The following HNF1A variants were observed in gnomAD, a reference collection of about 807,000 sequenced individuals.
HNF1A encodes the protein HNF1 homeobox A, also known as hepatocyte nuclear factor 1-alpha.
In HNF1A, 21 loss-of-function variants were observed where a neutral mutation model predicts 62.2. The ratio of observed to expected loss-of-function variants is 0.34; its 90% CI spans 0.24 to 0.49. The LOEUF (loss-of-function observed/expected upper bound fraction) is 0.49. HNF1A is among the 20% of genes least tolerant of loss of function. HNF1A has a pLI of 0.99. For synonymous variants in HNF1A, 374 were observed against 366.8 expected, an observed-to-expected ratio of 1.02 and a Z score of -0.22; for missense variants, 687 against 832.3, an observed-to-expected ratio of 0.83 and a Z score of 2.15.
rs751537080 is a variant in HNF1A, at chr12:120,978,609, TGGGGGTG to T, written c.-159_-153del. ...GGCCGCTGGGGCCAGGGTTGGGGGT[TGGGGGTG>T]CCCACAGGGCTTGGCTAGTGGGGTT... is the stretch of plus-strand genomic sequence containing the variant. On this transcript the variant is annotated 5_prime_UTR_variant, in exon 1 of 10. Coordinates refer to ENST00000257555, the MANE Select transcript of HNF1A (RefSeq NM_000545.8). 1.0e-5 allele frequency: 7 copies of T among 693,202 alleles called. No homozygotes were observed. Among genetic ancestry groups the T allele is most frequent in the African/African-American group, 1.8e-5 (1 of 54,398 alleles). 42.9% of individuals were successfully genotyped at this position (693,202 alleles called of 1,614,324 possible).
At chr12:120,981,346 A>G (rs1050180780) in intron 1 of HNF1A, among the ~76,000 whole-genome samples, 2 of 152,086 alleles carry the variant, frequency 1.3e-5, no homozygotes, top group Non-Finnish European at 2.9e-5. Context: ...CACAGCAGGA[A>G]CCTGAGCTCT....
intron 1 of HNF1A, 144 bp downstream of exon 1, chr12:120,979,238 G>T: frequency 1.3e-6 from 1 of 767,582 alleles, no homozygotes; most frequent in Non-Finnish European, 2.2e-6. Flanking sequence ...GCCCATGAGA[G>T]CCCAGGGGTC....
intron 1 of HNF1A, among the ~76,000 whole-genome samples, chr12:120,981,265 G>C (rs1339597343): frequency 6.6e-6 from 1 of 152,192 alleles, no homozygotes; most frequent in Non-Finnish European, 1.5e-5. Flanking sequence ...CCCGGGAGAA[G>C]TCAGTGTCTG....
chr12:120,984,696 GC>G (rs1267432610), intron 1 of HNF1A, among the ~76,000 whole-genome samples: 4 of 151,832 alleles, frequency 2.6e-5, no homozygotes, highest in African/African-American at 9.7e-5. Flanking sequence ...GATCCTAGGA[GC>G]CCCGGAAAGA....
chr12:121,001,137 A>T lies in HNF1A; in HGVS notation c.1841A>T (p.Asn614Ile), dbSNP rs779019818. The T allele has an allele frequency of 3.1e-6, 5 of 1,614,092 alleles. No homozygotes were observed. Among genetic ancestry groups the T allele is most frequent in the Non-Finnish European group, 4.2e-6 (5 of 1,180,002 alleles). Residue 614 changes from asparagine (N) to isoleucine (I), a missense_variant, in exon 10 of 10, where the codon AAC becomes ATC. Asn to Ile is a moderately radical substitution (Grantham distance 149, BLOSUM62 -3). Coordinates refer to ENST00000257555, the MANE Select transcript of HNF1A (RefSeq NM_000545.8). The stretch of plus-strand genomic sequence containing the variant: ...GGCCAGAGCCACCTGCTGCCATCCA[A>T]CCACAGCGTCATCGAGACCTTCATC... ...SNGQSHLLPS[N>I]HSVIETFIST...
At chr12:120,984,738 C>T (rs962873799) in intron 1 of HNF1A, among the ~76,000 whole-genome samples, 20 of 151,806 alleles carry the variant, frequency 1.3e-4, no homozygotes, top group South Asian at 2.1e-4. Context: ...GAGAGGCCTG[C>T]GGGGGTGGGG....
chr12:120,987,761 TTGATCTATCTATC>T (rs1277164368), intron 1 of HNF1A, among the ~76,000 whole-genome samples: 3 of 121,264 alleles, frequency 2.5e-5, no homozygotes, highest in African/African-American at 9.8e-5. Context: ...AGTCACAAAG[TTGATCTATCTATC>T]TATCTATCTA....
Position 120,994,313 on chromosome 12 carries a change from G to GCC in HNF1A, c.863_864insCC (p.Pro289ArgfsTer54). Reference sequence around the variant, plus strand: ...AAGCTGGCCATGGACACGTACAGCGGGCCCCCCCCAGGGCCAGGCCCGGGA... The same window carrying GCC: ...AAGCTGGCCATGGACACGTACAGCGGCCGCCCCCCCCAGGGCCAGGCCCGGGA... On this transcript the variant is annotated frameshift_variant, in exon 4 of 10. Coordinates refer to ENST00000257555, the MANE Select transcript of HNF1A (RefSeq NM_000545.8). LOFTEE classifies it high-confidence loss of function. The GCC allele has an allele frequency of 1.3e-6, 2 of 1,599,426 alleles. No individual in the cohort carries two copies.
rs1420924570 is a variant in HNF1A, at chr12:121,002,358, T to G, written c.*1166T>G. ...AAGCATGGTCCCACATCCCTGGGCCTGCTGCTGAGAACCTGGCCTTCAGTG... is the reference window on the plus strand; with the variant it reads ...AAGCATGGTCCCACATCCCTGGGCCGGCTGCTGAGAACCTGGCCTTCAGTG... On this transcript the variant is annotated 3_prime_UTR_variant, in exon 10 of 10. Coordinates refer to ENST00000257555, the MANE Select transcript of HNF1A (RefSeq NM_000545.8). The G allele has an allele frequency of 8.2e-6, 4 of 489,770 alleles. No homozygotes were observed. Among genetic ancestry groups the G allele is most frequent in the African/African-American group, 7.7e-5 (4 of 52,054 alleles). The allele number at this position is 489,770 out of a possible 1,614,324, so 30.3% of individuals were successfully genotyped here.
At position 120,999,403 on chromosome 12, in the gene HNF1A, C is replaced by T; in HGVS notation, c.1623+14C>T. 6.2e-7 allele frequency: 1 copy of T among 1,613,874 alleles called. No homozygotes were observed. Among genetic ancestry groups the T allele is most frequent in the Non-Finnish European group, 8.5e-7 (1 of 1,179,946 alleles). ...CCCACCAAGCAGGTAAGGTCCAGGC[C>T]TGCTGGCCCTCCCTTGGCCTGTGAC... On this transcript the variant is annotated intron_variant, in intron 8 of 9. Transcript: ENST00000257555.
chr12:120,983,760 G>A (rs1228540638), intron 1 of HNF1A, among the ~76,000 whole-genome samples: 2 of 152,058 alleles, frequency 1.3e-5, no homozygotes, highest in Non-Finnish European at 2.9e-5. Context: ...TGGCCAGGGT[G>A]GTCTCTAACT....
At position 120,996,498 on chromosome 12, in the gene HNF1A, G is replaced by A. The variant is rs554471425; in HGVS notation, c.1108-43G>A. 1.2e-6 allele frequency: 2 copies of A among 1,613,078 alleles called. No homozygotes were observed. The highest frequency in any genetic ancestry group is 8.5e-7 in the Non-Finnish European group (1 of 1,179,736). On this transcript the variant is annotated intron_variant, in intron 5 of 9. Coordinates refer to ENST00000257555, the MANE Select transcript of HNF1A (RefSeq NM_000545.8). This position sits in a 1 kb window ranked among gnomAD's most constrained non-coding sequence, Gnocchi z 4.5. ...GGAGCAGTCCCTAGGGAGGCCCTGT[G>A]GGGACCCCGGCCCCCCGGACACAGC...
At chr12:120,998,051 G>A (rs1216346871) in intron 7 of HNF1A, 13 of 474,808 alleles carry the variant, frequency 2.7e-5, no homozygotes, top group East Asian at 2.5e-4. Flanking sequence ...AGGCCGAGGT[G>A]GGCAGATCAC....
Position 120,993,630 on chromosome 12 carries a change from A to T in HNF1A, c.637A>T (p.Ile213Phe). Residue 213 changes from isoleucine (I) to phenylalanine (F), a missense_variant, in exon 3 of 10, where the codon ATC (isoleucine) becomes TTC (phenylalanine). This residue lies in a region of HNF1A where 47 missense variants were observed against 109.4 expected (regional missense o/e 0.43). Coordinates refer to ENST00000257555, the MANE Select transcript of HNF1A (RefSeq NM_000545.8). The part of the protein sequence containing the change: ...RFKWGPASQQ[I>F]LFQAYERQKN... ...CAAGTGGGGCCCAGCATCCCAGCAG[A>T]TCCTGTTCCAGGCCTATGAGAGGCA... is the stretch of plus-strand genomic sequence containing the variant. 1 of 1,614,154 alleles carries T rather than the reference A, an allele frequency of 6.2e-7. No individual in the cohort carries two copies. The highest frequency in any genetic ancestry group is 8.5e-7 in the Non-Finnish European group (1 of 1,180,028).
rs2135848320 is a variant in HNF1A at position 120,997,673 on chromosome 12, C to T, written c.1501+8C>T. ...AGCTGCAGAGCCCCCACGGTGAGCG[C>T]CCTGTGCCCCACACAGCAGGAGATG... is the stretch of plus-strand genomic sequence containing the variant. On this transcript the variant is annotated splice_region_variant and intron_variant, in intron 7 of 9. Transcript: ENST00000257555. 6.2e-7 allele frequency: 1 copy of T among 1,604,782 alleles called. No individual in the cohort carries two copies. Among genetic ancestry groups the T allele is most frequent in the Non-Finnish European group, 8.5e-7 (1 of 1,175,916 alleles).
chr12:121,001,317 G>C lies in HNF1A; in HGVS notation c.*125G>C. Reference sequence around the variant, plus strand: ...GGCCCTTCCTGGACAGCTGTGCCTCGCTCCCCACTCTGCTCTGATGCATCA... The same window carrying C: ...GGCCCTTCCTGGACAGCTGTGCCTCCCTCCCCACTCTGCTCTGATGCATCA... On this transcript the variant is annotated 3_prime_UTR_variant, in exon 10 of 10. Transcript: ENST00000257555. 1.7e-6 allele frequency: 2 copies of C among 1,185,058 alleles called. No homozygotes were observed. The highest frequency in any genetic ancestry group is 2.4e-6 in the Non-Finnish European group (2 of 830,426). The allele number at this position is 1,185,058 out of a possible 1,614,324, so 73.4% of individuals were successfully genotyped here.
At chr12:120,995,264 TC>T (rs1877043766) in intron 4 of HNF1A, among the ~76,000 whole-genome samples, 1 of 150,424 alleles carries the variant, frequency 6.6e-6, no homozygotes, top group Non-Finnish European at 1.5e-5. Flanking sequence ...TCCATTCAGC[TC>T]CACTCCATCC....
intron 1 of HNF1A, chr12:120,981,031 C>G (rs1876224978): frequency 6.6e-6 from 1 of 152,242 alleles, no homozygotes; most frequent in African/African-American, 2.4e-5. Flanking sequence ...CAACCAGCTC[C>G]TTGTTCCTGC....
Position 121,002,348 on chromosome 12 carries a change from T to TGGG in HNF1A, c.*1156_*1157insGGG. 1 of 481,848 alleles carries TGGG rather than the reference T, an allele frequency of 2.1e-6. No homozygotes were observed. Among genetic ancestry groups the TGGG allele is most frequent in the Non-Finnish European group, 4.0e-6 (1 of 251,662 alleles). The allele number at this position is 481,848 out of a possible 1,614,324, so 29.8% of individuals were successfully genotyped here. A position where few individuals can be genotyped will look rare whatever the true frequency, so the allele number is the denominator to read the frequency against. On this transcript the variant is annotated 3_prime_UTR_variant, in exon 10 of 10. Transcript: ENST00000257555. Reference sequence around the variant, plus strand: ...AACCCAGGACAAGCATGGTCCCACATCCCTGGGCCTGCTGCTGAGAACCTG... The same window carrying TGGG: ...AACCCAGGACAAGCATGGTCCCACATGGGCCCTGGGCCTGCTGCTGAGAACCTG...
Sources: gnomAD v4.1 joint callset for allele counts (sites outside exome capture counted in the v4.1 genomes callset) on GRCh38, gnomAD v4.1.1 for gene constraint, gnomAD v4.1.1 regional missense constraint, Gnocchi (gnomAD v3.1) non-coding constraint, MANE v1.5 for transcripts, NCBI Gene and HGNC (gene_info 2026-07-23, HGNC 2026-07-21) for gene names.